APLF: variants seen among roughly 807,000 people sequenced by gnomAD.
APLF encodes the protein aprataxin and PNKP like factor, also known as aprataxin and PNK-like factor.
A neutral mutation model predicts 55.6 loss-of-function variants in APLF; 61 were observed. The observed-to-expected ratio is 1.10, with a 90% CI of 0.89 to 1.36. The LOEUF is 1.36. APLF is among the 40% of genes most tolerant of loss of function. The pLI is 0.00. For synonymous variants in APLF, 207 were observed against 214.8 expected (o/e 0.96, Z 0.32); for missense variants, 611 against 602.5 (o/e 1.01, Z -0.15).
At chr2:68,566,303 A>G (rs1057472187) in intron 8 of APLF, among the ~76,000 whole-genome samples, 1 of 152,112 alleles carries the variant, frequency 6.6e-6, no homozygotes, top group Non-Finnish European at 1.5e-5. Flanking sequence ...AAGATATATT[A>G]TAAGGAGTAT....
chr2:68,553,780 A>G (rs1670930663), intron 8 of APLF, among the ~76,000 whole-genome samples: 2 of 152,058 alleles, frequency 1.3e-5, no homozygotes, highest in Admixed American at 6.6e-5. Context: ...TTCATGAGCT[A>G]CAACATGTTT....
At chr2:68,530,469 G>A (rs1289532474) in intron 6 of APLF, among the ~76,000 whole-genome samples, 4 of 151,978 alleles carry the variant, frequency 2.6e-5, no homozygotes, top group Non-Finnish European at 4.4e-5. Context: ...TCGTCTGATG[G>A]GAAGGATCCA....
chr2:68,494,134 G>A (rs1676461491), intron 2 of APLF, among the ~76,000 whole-genome samples: 1 of 151,152 alleles, frequency 6.6e-6, no homozygotes, highest in African/African-American at 2.4e-5. Context: ...AAATTAGCCA[G>A]GCGTGGTGGT....
intron 1 of APLF, among the ~76,000 whole-genome samples, chr2:68,469,000 GTGTGTGTGTGTGTGTGTGTGT>G (rs1362809875): frequency 6.8e-6 from 1 of 147,310 alleles, no homozygotes; most frequent in African/African-American, 2.7e-5. Flanking sequence ...GTGTGTGTGT[GTGTGTGTGTGTGTGTGTGTGT>G]TGTGTGTTGT....
rs1669813017 is a variant in APLF, at chr2:68,519,155, A to G, written c.622+5475A>G. On this transcript the variant is annotated intron_variant, in intron 5 of 9. Transcript: ENST00000303795. Reference sequence around the variant, plus strand: ...TTTGACATTTTATATATATATAAAGACTTGACCAAAAATTGGACCAATGTG... The same window carrying G: ...TTTGACATTTTATATATATATAAAGGCTTGACCAAAAATTGGACCAATGTG... Among the ~76,000 whole-genome samples, 4 of 137,112 alleles carry G rather than the reference A, an allele frequency of 2.9e-5. No individual in the cohort carries two copies. The South Asian group carries it at 8.5e-4, about 29-fold the overall frequency. The allele number at this position is 137,112 out of a possible 152,430, so 90.0% of individuals were successfully genotyped here.
At chr2:68,482,970 A>G (rs1676010849) in intron 1 of APLF, among the ~76,000 whole-genome samples, 1 of 151,584 alleles carries the variant, frequency 6.6e-6, no homozygotes, top group African/African-American at 2.4e-5. Flanking sequence ...TGACTTCCCC[A>G]CTATGCAGTA....
intron 1 of APLF, among the ~76,000 whole-genome samples, chr2:68,477,254 TTGCAGGTATC>T (rs1342928731): frequency 6.6e-6 from 1 of 152,214 alleles, no homozygotes; most frequent in African/African-American, 2.4e-5. Context: ...AGCTTTACTG[TTGCAGGTATC>T]TGCTTACGAC....
intron 9 of APLF, among the ~76,000 whole-genome samples, chr2:68,573,672 CAAAA>C (rs67959075): frequency 2.2e-5 from 2 of 93,014 alleles, no homozygotes; most frequent in Admixed American, 1.2e-4. Flanking sequence ...GACCTTGTCT[CAAAA>C]AAAAAAAAAA....
intron 2 of APLF, among the ~76,000 whole-genome samples, chr2:68,491,172 A>C (rs1351640401): frequency 6.6e-6 from 1 of 152,188 alleles, no homozygotes; most frequent in Non-Finnish European, 1.5e-5. Flanking sequence ...AAAAGAGTTT[A>C]TGTCTCATCT....
chr2:68,468,989 G>GGTGTGTGTGTGT (rs34695552), intron 1 of APLF, among the ~76,000 whole-genome samples: 10 of 146,760 alleles, frequency 6.8e-5, no homozygotes, highest in South Asian at 4.4e-4. Context: ...GTCCTAAAGG[G>GGTGTGTGTGTGT]GTGTGTGTGT....
In APLF at chr2:68,492,216, C is replaced by T. The variant is rs1375806036; in HGVS notation, c.168+1955C>T. The stretch of plus-strand genomic sequence containing the variant: ...TAATAAGGCTGGGCGCGGTGGCTCA[C>T]GTCTGTAATCCCAGCACTTTGGGAG... On this transcript the variant is annotated intron_variant, in intron 2 of 9. Transcript: ENST00000303795. Among the ~76,000 whole-genome samples the T allele has an allele frequency of 3.9e-5, 6 of 152,142 alleles. No homozygotes were observed. In the South Asian group the frequency reaches 8.3e-4, roughly 21 times the overall value.
Position 68,467,693 on chromosome 2 carries a change from G to C in APLF, c.-39G>C. The C allele has an allele frequency of 8.2e-7, 1 of 1,225,800 alleles. No homozygotes were observed. The highest frequency in any genetic ancestry group is 1.0e-6 in the Non-Finnish European group (1 of 980,010). The allele number at this position is 1,225,800 out of a possible 1,614,324, so 75.9% of individuals were successfully genotyped here. ...CTGTGGAGGGCGGAAACAGCGGAGG[G>C]GCCAGTCTCCTGGCGAAGGGGCCTA... On this transcript the variant is annotated 5_prime_UTR_variant, in exon 1 of 10. Transcript: ENST00000303795.
intron 5 of APLF, among the ~76,000 whole-genome samples, chr2:68,516,617 T>G (rs1669585437): frequency 6.6e-6 from 1 of 150,664 alleles, no homozygotes; most frequent in African/African-American, 2.4e-5. Context: ...GCCCTCAAAG[T>G]CTGTGGCATC....
intron 9 of APLF, among the ~76,000 whole-genome samples, chr2:68,571,244 T>A (rs191560595): frequency 1.3e-5 from 2 of 152,288 alleles, no homozygotes; most frequent in East Asian, 1.9e-4. Context: ...TTCTGTAGGT[T>A]GCCTGTTCAC....
chr2:68,573,235 T>C (rs976222211), intron 9 of APLF, among the ~76,000 whole-genome samples: 4 of 152,220 alleles, frequency 2.6e-5, no homozygotes, highest in African/African-American at 9.6e-5. Flanking sequence ...TGGCTTCAAG[T>C]AGTCAAGCTG....
intron 7 of APLF, among the ~76,000 whole-genome samples, chr2:68,541,090 A>G (rs1480886514): frequency 6.6e-6 from 1 of 152,166 alleles, no homozygotes; most frequent in African/African-American, 2.4e-5. Flanking sequence ...TGGTAATTGG[A>G]TATTCATATG....
rs112781909 is a variant in APLF, at chr2:68,565,690, G to A, written c.1287-1651G>A. ...TGTTTACCAATATCACAATAGTATC[G>A]AAGGCACGGAGGAAAAAATGCAATA... On this transcript the variant is annotated intron_variant, in intron 8 of 9. Transcript: ENST00000303795. Among the ~76,000 whole-genome samples the A allele has an allele frequency of 2.2e-4, 33 of 152,036 alleles. 1 individual carries two copies. The highest frequency in any genetic ancestry group is 7.5e-4 in the African/African-American group (31 of 41,486).
chr2:68,495,370 C>G (rs1441710960), intron 2 of APLF, among the ~76,000 whole-genome samples: 3 of 152,140 alleles, frequency 2.0e-5, no homozygotes, highest in Admixed American at 1.3e-4. Context: ...GTCTGTAGGC[C>G]CAACACAAGT....
intron 2 of APLF, among the ~76,000 whole-genome samples, chr2:68,493,302 T>A (rs1020062982): frequency 6.6e-6 from 1 of 152,066 alleles, no homozygotes; most frequent in Admixed American, 6.6e-5. Context: ...TATCAGTAAA[T>A]GGTACTGGGA....
Sources: allele counts gnomAD v4.1 joint callset (sites outside exome capture counted in the v4.1 genomes callset), GRCh38; gene constraint gnomAD v4.1.1; transcripts MANE v1.5; gene names NCBI Gene and HGNC (gene_info 2026-07-23, HGNC 2026-07-21).